The following RIMS2 variants were observed in gnomAD, a reference collection of about 807,000 sequenced individuals.
RIMS2 encodes regulating synaptic membrane exocytosis protein 2.
RIMS2 carries 59 observed loss-of-function variants against 174.4 expected under a neutral mutation model. The ratio of observed to expected loss-of-function variants is 0.34; its 90% CI spans 0.27 to 0.42. RIMS2 has a LOEUF of 0.42. Ranked by LOEUF, RIMS2 falls within the 10% of genes least tolerant of loss-of-function variation. The pLI is 1.00. For missense variants in RIMS2, 1,620 were observed against 1,666.3 expected (o/e 0.97, Z 0.48); for synonymous variants, 606 against 572.5 (o/e 1.06, Z -0.84).
intron 16 of RIMS2, among the ~76,000 whole-genome samples, chr8:103,978,584 A>G (rs2093642022): frequency 6.6e-6 from 1 of 152,278 alleles, no homozygotes. Context: ...TCTGTAAAGA[A>G]GCAGTACTTT....
chr8:103,788,860 CT>C (rs1279985803), intron 3 of RIMS2, among the ~76,000 whole-genome samples: 1 of 152,132 alleles, frequency 6.6e-6, no homozygotes, highest in East Asian at 1.9e-4. Context: ...GCGGGCGCCC[CT>C]CCCCCAGCCT....
chr8:104,164,043 T>C (rs548277284), intron 19 of RIMS2, among the ~76,000 whole-genome samples: 1 of 152,182 alleles, frequency 6.6e-6, no homozygotes, highest in South Asian at 2.1e-4. Context: ...CCAAAGGAAA[T>C]ATCGTAGCCC....
chr8:103,649,983 T>C (rs2096418722), intron 1 of RIMS2, among the ~76,000 whole-genome samples: 1 of 152,156 alleles, frequency 6.6e-6, no homozygotes, highest in Non-Finnish European at 1.5e-5. Flanking sequence ...TTGTGGTCAT[T>C]TGAAGGAGAA....
intron 19 of RIMS2, among the ~76,000 whole-genome samples, chr8:104,032,269 G>C (rs118057843): frequency 7.9e-5 from 12 of 152,096 alleles, no homozygotes; most frequent in Middle Eastern, 3.4e-3. Context: ...CAACCACAAG[G>C]AAGAGGGTTA....
chr8:103,766,592 A>G, intron 3 of RIMS2, 55 bp downstream of exon 6: 2 of 1,138,526 alleles, frequency 1.8e-6, no homozygotes, highest in Admixed American at 4.8e-5. Context: ...CTTCATTCCA[A>G]ACAGAGATAA....
chr8:103,989,346 C>T, exon 17 of RIMS2: 1 of 1,613,446 alleles, frequency 6.2e-7, no homozygotes, highest in Non-Finnish European at 8.5e-7. Context: ...CGCACTATGA[C>T]CGGACATTAT....
chr8:103,540,055 T>C (rs1841799861), intron 1 of RIMS2, among the ~76,000 whole-genome samples: 1 of 152,232 alleles, frequency 6.6e-6, no homozygotes, highest in African/African-American at 2.4e-5. Context: ...ACAAGCATCA[T>C]GTACTATTTC....
intron 15 of RIMS2, among the ~76,000 whole-genome samples, chr8:103,967,613 A>G (rs1313918405): frequency 2.0e-5 from 3 of 151,804 alleles, no homozygotes; most frequent in Non-Finnish European, 4.4e-5. Context: ...TTCATTTCTG[A>G]TAGAGTGGTA....
intron 1 of RIMS2, among the ~76,000 whole-genome samples, chr8:103,570,605 T>A (rs1432197827): frequency 2.0e-5 from 3 of 152,182 alleles, no homozygotes; most frequent in African/African-American, 7.2e-5. Context: ...GGAATTGTGT[T>A]TTATTTCTTG....
chr8:103,703,321 T>C (rs967087769), intron 2 of RIMS2, among the ~76,000 whole-genome samples: 5 of 152,156 alleles, frequency 3.3e-5, no homozygotes, highest in Non-Finnish European at 7.4e-5. Flanking sequence ...CACTGCAGCC[T>C]CTACCTCGCA....
At chr8:103,936,678 G>A (rs773349809) in exon 13 of RIMS2, 2 of 1,609,984 alleles carry the variant, frequency 1.2e-6, no homozygotes, top group South Asian at 2.2e-5. Flanking sequence ...TACCCTTTGG[G>A]ATCAAGCTCG....
At chr8:103,817,897 G>T (rs1245269693) in intron 3 of RIMS2, among the ~76,000 whole-genome samples, 3 of 151,982 alleles carry the variant, frequency 2.0e-5, no homozygotes, top group African/African-American at 7.2e-5. Flanking sequence ...ATTTAGAAGT[G>T]CTTTATAAAC....
At chr8:104,120,747 G>A (rs771414135) in intron 19 of RIMS2, among the ~76,000 whole-genome samples, 2 of 151,924 alleles carry the variant, frequency 1.3e-5, no homozygotes, top group African/African-American at 4.8e-5. Flanking sequence ...CAAAGAAGAG[G>A]ATAAAAAAGG....
chr8:103,817,518 C>T (rs1318329666), intron 3 of RIMS2, among the ~76,000 whole-genome samples: 3 of 152,210 alleles, frequency 2.0e-5, no homozygotes, highest in Non-Finnish European at 2.9e-5. Context: ...CAGTGGCTCA[C>T]GCCTGTAATC....
At chr8:103,914,582 A>G (rs2076320577) in intron 6 of RIMS2, among the ~76,000 whole-genome samples, 1 of 152,222 alleles carries the variant, frequency 6.6e-6, no homozygotes. Flanking sequence ...TATAATTTTC[A>G]GAATTAAACA....
At chr8:103,568,897 C>T (rs566225782) in intron 1 of RIMS2, 12 of 1,093,486 alleles carry the variant, frequency 1.1e-5, no homozygotes, top group East Asian at 2.7e-5. Flanking sequence ...GCAGGAAGAC[C>T]ACATTGCTGC....
exon 4 of RIMS2, chr8:103,885,776 A>G (rs1198412478): frequency 6.2e-7 from 1 of 1,613,016 alleles, no homozygotes; most frequent in East Asian, 2.2e-5. Context: ...TCGACCATCA[A>G]GGCAAAGATC....
chr8:103,915,864 T>C (rs749358209), intron 7 of RIMS2, among the ~76,000 whole-genome samples: 31 of 152,018 alleles, frequency 2.0e-4, no homozygotes, highest in Non-Finnish European at 3.7e-4. Context: ...AAGACCTTTT[T>C]CTTTTGAGAA....
At chr8:103,504,846 C>CTTT (rs11367763) in intron 1 of RIMS2, among the ~76,000 whole-genome samples, 39 of 94,956 alleles carry the variant, frequency 4.1e-4, no homozygotes, top group East Asian at 1.1e-3. Context: ...TTCTTTCTTT[C>CTTT]TTTTTTTTTT....
Sources: allele counts gnomAD v4.1 joint callset (sites outside exome capture counted in the v4.1 genomes callset), GRCh38; gene constraint gnomAD v4.1.1; transcripts MANE v1.5; gene names NCBI Gene and HGNC (gene_info 2026-07-23, HGNC 2026-07-21).